LPP: variants seen among roughly 807,000 people sequenced by gnomAD.
LPP encodes lipoma-preferred partner.
Under a neutral mutation model 60.4 loss-of-function variants are expected in LPP, and 38 were observed. The observed-to-expected ratio is 0.63, with a 90% CI of 0.49 to 0.83. LPP has a LOEUF of 0.83. Among genes scored for constraint, LPP ranks in the 40% least tolerant of loss-of-function variants. The probability of loss-of-function intolerance (pLI) is 0.00; values close to 1 mark genes in which losing one functional copy is unlikely to be tolerated. For missense variants in LPP, 902 were observed against 783.6 expected (o/e 1.15, Z -1.80); for synonymous variants, 328 against 290.8 (o/e 1.13, Z -1.30).
intron 1 of LPP, among the ~76,000 whole-genome samples, chr3:188,164,944 A>C: frequency 6.6e-6 from 1 of 152,038 alleles, no homozygotes; most frequent in Admixed American, 6.5e-5. Flanking sequence ...AGGTCACATA[A>C]ATCATCAAGA....
chr3:188,264,019 C>A (rs993353369), intron 2 of LPP, among the ~76,000 whole-genome samples: 1 of 152,126 alleles, frequency 6.6e-6, no homozygotes, highest in Non-Finnish European at 1.5e-5. Context: ...CCACAGTTCC[C>A]AGAGCTAGGT....
intron 9 of LPP, among the ~76,000 whole-genome samples, chr3:188,821,023 T>C (rs1753815503): frequency 6.6e-6 from 1 of 152,000 alleles, no homozygotes; most frequent in Non-Finnish European, 1.5e-5. Context: ...TTTTGATTCA[T>C]ATTCTCCCTT....
At position 188,484,698 on chromosome 3, in the gene LPP, A is replaced by C; in HGVS notation, c.300A>C (p.Lys100Asn). The change falls in exon 5 of 12, where the codon AAA becomes AAC. Residue 100 changes from lysine (K) to asparagine (N), a missense_variant. Coordinates refer to ENST00000617246, the MANE Select transcript of LPP (RefSeq NM_001375462.1). ...PPPPLDEEAF[K>N]VQGNPGGKTL... ...CACCTCTTGATGAAGAGGCTTTCAAAGTACAGGTAAGAGCTGAAGTTAAAG... is the reference window on the plus strand; with the variant it reads ...CACCTCTTGATGAAGAGGCTTTCAACGTACAGGTAAGAGCTGAAGTTAAAG... The C allele has an allele frequency of 6.2e-7, 1 of 1,604,232 alleles. No homozygotes were observed. The highest frequency in any genetic ancestry group is 8.5e-7 in the Non-Finnish European group (1 of 1,171,090).
intron 2 of LPP, among the ~76,000 whole-genome samples, chr3:188,243,291 C>T (rs1479515252): frequency 6.6e-6 from 1 of 152,082 alleles, no homozygotes; most frequent in African/African-American, 2.4e-5. Context: ...TTCTACCGTT[C>T]CCCCTACCCC....
At chr3:188,366,586 G>A (rs907566785) in intron 3 of LPP, among the ~76,000 whole-genome samples, 1 of 152,188 alleles carries the variant, frequency 6.6e-6, no homozygotes, top group Non-Finnish European at 1.5e-5. Flanking sequence ...AGGTATTTTG[G>A]TGTGTGGCTA....
chr3:188,886,991 CTCTT>C lies in LPP; in HGVS notation c.*12514_*12517del, dbSNP rs1188067321. On this transcript the variant is annotated 3_prime_UTR_variant, in exon 12 of 12. Transcript: ENST00000617246. ...GTATTTATCTCTCATGCGTGATTCT[CTCTT>C]TATATTTCTATCTGTTGGGAAAAGG... 1.3e-5 allele frequency: 3 copies of C among 231,474 alleles called. No individual in the cohort carries two copies. Among genetic ancestry groups the C allele is most frequent in the Non-Finnish European group, 2.6e-5 (3 of 117,060 alleles). 14.3% of individuals were successfully genotyped at this position (231,474 alleles called of 1,614,324 possible).
intron 2 of LPP, among the ~76,000 whole-genome samples, chr3:188,326,093 A>T (rs1453302186): frequency 6.6e-6 from 1 of 152,166 alleles, no homozygotes; most frequent in African/African-American, 2.4e-5. Context: ...AGATCTTGGG[A>T]TTCATCTGAC....
At chr3:188,740,708 G>A (rs572468441) in intron 8 of LPP, among the ~76,000 whole-genome samples, 24 of 152,060 alleles carry the variant, frequency 1.6e-4, no homozygotes, top group Middle Eastern at 3.4e-3. Flanking sequence ...TGTGTGCTCA[G>A]CAGGTTGTAA....
chr3:188,518,719 T>C (rs760260234), intron 5 of LPP, among the ~76,000 whole-genome samples: 1 of 152,232 alleles, frequency 6.6e-6, no homozygotes, highest in Non-Finnish European at 1.5e-5. Flanking sequence ...TAGTTCATGG[T>C]CATGTATGTT....
chr3:188,498,924 A>G (rs989944856), intron 5 of LPP, among the ~76,000 whole-genome samples: 1 of 152,132 alleles, frequency 6.6e-6, no homozygotes, highest in Non-Finnish European at 1.5e-5. Context: ...CTATTCATGT[A>G]TGTATTAGCC....
intron 3 of LPP, among the ~76,000 whole-genome samples, chr3:188,405,081 G>A (rs572393739): frequency 7.2e-4 from 109 of 152,304 alleles, no homozygotes; most frequent in African/African-American, 2.4e-3. Flanking sequence ...CATGGTATCA[G>A]CTCAACATAC....
At chr3:188,598,538 A>ATTGCT (rs1446956087) in intron 6 of LPP, among the ~76,000 whole-genome samples, 4 of 152,186 alleles carry the variant, frequency 2.6e-5, no homozygotes, top group Non-Finnish European at 5.9e-5. Flanking sequence ...CGTTTATAAC[A>ATTGCT]TATAATCACA....
At chr3:188,636,460 G>A (rs1477267371) in intron 7 of LPP, among the ~76,000 whole-genome samples, 1 of 152,164 alleles carries the variant, frequency 6.6e-6, no homozygotes, top group Admixed American at 6.5e-5. Flanking sequence ...AAACTGCAAG[G>A]CTGCAGCAAG....
At position 188,217,124 on chromosome 3, in the gene LPP, T is replaced by C. The variant is rs1224520890; in HGVS notation, c.-189-8281T>C. ...AAAGGAACACTTAAACAAGAGGGACTGATAAGTAACCCAAGGGAGGAGTCA... is the reference window on the plus strand; with the variant it reads ...AAAGGAACACTTAAACAAGAGGGACCGATAAGTAACCCAAGGGAGGAGTCA... On this transcript the variant is annotated intron_variant, in intron 1 of 11. Transcript: ENST00000617246. This position sits in a 1 kb window ranked among gnomAD's most constrained non-coding sequence, Gnocchi z 4.0. 6.6e-6 allele frequency among the ~76,000 whole-genome samples: 1 copy of C among 152,138 alleles called. No individual in the cohort carries two copies. The highest frequency in any genetic ancestry group is 1.5e-5 in the Non-Finnish European group (1 of 68,028).
At chr3:188,265,711 A>G (rs540002026) in intron 2 of LPP, among the ~76,000 whole-genome samples, 35 of 152,238 alleles carry the variant, frequency 2.3e-4, no homozygotes, top group Non-Finnish European at 4.0e-4. Flanking sequence ...AAATATCTAG[A>G]GAGATTGGGA....
chr3:188,831,939 T>C (rs150286899), intron 9 of LPP, among the ~76,000 whole-genome samples: 116 of 152,340 alleles, frequency 7.6e-4, no homozygotes, highest in Middle Eastern at 3.4e-3. Context: ...GTCCCATAGA[T>C]TTTAATGAGA....
At chr3:188,467,493 CA>C (rs930584982) in intron 4 of LPP, among the ~76,000 whole-genome samples, 1 of 152,018 alleles carries the variant, frequency 6.6e-6, no homozygotes, top group African/African-American at 2.4e-5. Flanking sequence ...TAATAGCCCT[CA>C]AAGTTGTCCA....
intron 2 of LPP, among the ~76,000 whole-genome samples, chr3:188,290,353 A>C (rs1412280211): frequency 6.6e-6 from 1 of 152,066 alleles, no homozygotes; most frequent in Admixed American, 6.5e-5. Context: ...CCTACCACAT[A>C]ATATCATGTG....
chr3:188,583,148 C>A (rs865817838), intron 6 of LPP, among the ~76,000 whole-genome samples: 2 of 152,236 alleles, frequency 1.3e-5, no homozygotes, highest in Admixed American at 6.5e-5. Context: ...TCTCATATAA[C>A]TATGTGATCT....
Sources: allele counts gnomAD v4.1 joint callset (sites outside exome capture counted in the v4.1 genomes callset), GRCh38; gene constraint gnomAD v4.1.1; non-coding constraint Gnocchi (gnomAD v3.1); transcripts MANE v1.5; gene names NCBI Gene and HGNC (gene_info 2026-07-23, HGNC 2026-07-21).